The following AGBL1 variants were observed in gnomAD, a reference collection of about 807,000 sequenced individuals.
The protein encoded by AGBL1 is AGBL carboxypeptidase 1, also known as cytosolic carboxypeptidase 4.
AGBL1 carries 130 observed loss-of-function variants against 118.9 expected under a neutral mutation model. The ratio of observed to expected loss-of-function variants is 1.09; its 90% CI spans 0.95 to 1.26. The LOEUF is 1.26. Among genes scored for constraint, AGBL1 ranks in the 50% most tolerant of loss-of-function variants. AGBL1 has a pLI of 0.00. For synonymous variants in AGBL1, 555 were observed against 478.9 expected (o/e 1.16, Z -2.08); for missense variants, 1,584 against 1,298.1 (o/e 1.22, Z -3.38).
chr15:86,453,310 C>T (rs2082218339), intron 18 of AGBL1, among the ~76,000 whole-genome samples: 1 of 152,152 alleles, frequency 6.6e-6, no homozygotes, highest in Non-Finnish European at 1.5e-5. Context: ...ATTCATATTC[C>T]CTTCTCTACA....
chr15:86,622,063 C>T (rs1248385230), intron 21 of AGBL1, among the ~76,000 whole-genome samples: 3 of 152,138 alleles, frequency 2.0e-5, no homozygotes, highest in African/African-American at 7.2e-5. Context: ...TGTAGTGGCT[C>T]ATGCCTGTAA....
intron 17 of AGBL1, among the ~76,000 whole-genome samples, chr15:86,325,248 A>G (rs570736190): frequency 1.3e-5 from 2 of 152,340 alleles, no homozygotes; most frequent in South Asian, 2.1e-4. Flanking sequence ...GAAGAAATGT[A>G]TGAAAAATAT....
rs1381381825 is a variant in AGBL1, at chr15:86,735,602, C to CTA, written c.3158+61167_3158+61168insAT. ...GTCTCTTTTGATATAGAGATACAGA[C>CTA]TGTGTGTGTGTGTGTGTGTGTGTGT... On this transcript the variant is annotated intron_variant, in intron 22 of 22. Transcript: ENST00000614907. Among the ~76,000 whole-genome samples the CTA allele has an allele frequency of 4.0e-3, 569 of 141,948 alleles. 6 individuals carry two copies. The highest frequency in any genetic ancestry group is 0.014 in the African/African-American group (536 of 37,318). The allele number at this position is 141,948 out of a possible 152,430, so 93.1% of individuals were successfully genotyped here.
chr15:86,811,498 A>T (rs1365307282), intron 22 of AGBL1, among the ~76,000 whole-genome samples: 1 of 152,152 alleles, frequency 6.6e-6, no homozygotes, highest in Non-Finnish European at 1.5e-5. Context: ...AGATGGACAA[A>T]TATATTCCCA....
At chr15:86,130,043 A>T (rs1233513613) in intron 1 of AGBL1, among the ~76,000 whole-genome samples, 1 of 152,162 alleles carries the variant, frequency 6.6e-6, no homozygotes, top group Non-Finnish European at 1.5e-5. Context: ...TGCCGTCTTA[A>T]GTTAACAAAG....
intron 19 of AGBL1, among the ~76,000 whole-genome samples, chr15:86,534,107 TATAATAAAAAAA>T (rs2083388373): frequency 1.4e-5 from 1 of 73,402 alleles, no homozygotes; most frequent in African/African-American, 8.0e-5. Context: ...AAACTTAAAG[TATAATAAAAAAA>T]AAAAAAAAAA....
At chr15:86,278,873 C>G (rs7179947) in intron 15 of AGBL1, among the ~76,000 whole-genome samples, 1,568 of 152,254 alleles carry the variant, frequency 0.01, 36 homozygotes, top group African/African-American at 0.033. Context: ...TCTGAAGTAT[C>G]AAAATTGGTT....
intron 23 of AGBL1, among the ~76,000 whole-genome samples, chr15:86,940,877 C>G (rs889099403): frequency 2.4e-4 from 37 of 152,166 alleles, no homozygotes; most frequent in African/African-American, 8.4e-4. Context: ...CCAATCACTT[C>G]CTGTTCTTTG....
intron 19 of AGBL1, among the ~76,000 whole-genome samples, chr15:86,540,516 AC>A (rs2142240052): frequency 6.6e-6 from 1 of 152,094 alleles, no homozygotes; most frequent in Non-Finnish European, 1.5e-5. Context: ...AATTGCTTGA[AC>A]CTGGGACATG....
At chr15:86,549,316 G>T (rs767751608) in intron 20 of AGBL1, among the ~76,000 whole-genome samples, 1 of 152,088 alleles carries the variant, frequency 6.6e-6, no homozygotes, top group Non-Finnish European at 1.5e-5. Flanking sequence ...AATCAACAGA[G>T]AGTGGAAGTC....
intron 18 of AGBL1, among the ~76,000 whole-genome samples, chr15:86,468,434 T>C (rs1359134586): frequency 2.0e-5 from 3 of 152,172 alleles, no homozygotes; most frequent in Non-Finnish European, 2.9e-5. Flanking sequence ...TGCTGGAATC[T>C]GCATTCTGGG....
intron 3 of AGBL1, among the ~76,000 whole-genome samples, chr15:86,145,829 G>A (rs2077026267): frequency 6.6e-6 from 1 of 152,186 alleles, no homozygotes; most frequent in Non-Finnish European, 1.5e-5. Context: ...AGTGGAGAAG[G>A]CCAGCAAATC....
intron 22 of AGBL1, among the ~76,000 whole-genome samples, chr15:86,729,819 G>A (rs1221227766): frequency 6.6e-6 from 1 of 152,148 alleles, no homozygotes; most frequent in Non-Finnish European, 1.5e-5. Context: ...TCAAATGGTA[G>A]CTCTGTTTTA....
chr15:86,949,177 A>C (rs1010022901), intron 23 of AGBL1, among the ~76,000 whole-genome samples: 1 of 151,514 alleles, frequency 6.6e-6, no homozygotes, highest in African/African-American at 2.4e-5. Flanking sequence ...ATAAAAAAAT[A>C]ATGACCCATT....
intron 24 of AGBL1, among the ~76,000 whole-genome samples, chr15:87,004,309 TA>T (rs200908098): frequency 0.099 from 15,041 of 152,216 alleles, 1,326 homozygotes; most frequent in African/African-American, 0.23. Context: ...CACACAATTA[TA>T]GTGGGAGAGT....
At chr15:86,396,176 CATAT>C (rs1365192132) in intron 17 of AGBL1, among the ~76,000 whole-genome samples, 1 of 142,296 alleles carries the variant, frequency 7.0e-6, no homozygotes, top group African/African-American at 2.6e-5. Flanking sequence ...ATCATATATT[CATAT>C]ATATGTGTAT....
intron 17 of AGBL1, among the ~76,000 whole-genome samples, chr15:86,360,379 A>G (rs1249008109): frequency 6.8e-6 from 1 of 147,466 alleles, no homozygotes; most frequent in Non-Finnish European, 1.5e-5. Flanking sequence ...ATGTTGAACC[A>G]TCCTTGCATC....
intron 21 of AGBL1, among the ~76,000 whole-genome samples, chr15:86,605,217 C>T (rs1596305239): frequency 6.6e-6 from 1 of 152,134 alleles, no homozygotes; most frequent in Non-Finnish European, 1.5e-5. Flanking sequence ...GCTAACATTC[C>T]TTCAGCTTTT....
At chr15:86,680,565 C>CTTTTTTTTTTTT (rs34873609) in intron 22 of AGBL1, among the ~76,000 whole-genome samples, 26 of 94,680 alleles carry the variant, frequency 2.7e-4, no homozygotes, top group East Asian at 6.0e-4. Flanking sequence ...TCTTTCTTTT[C>CTTTTTTTTTTTT]TTTTTTTTTT....
Sources: gnomAD v4.1 joint callset for allele counts (sites outside exome capture counted in the v4.1 genomes callset) on GRCh38, gnomAD v4.1.1 for gene constraint, MANE v1.5 for transcripts, NCBI Gene and HGNC (gene_info 2026-07-23, HGNC 2026-07-21) for gene names.